UBXN11: variants seen among roughly 807,000 people sequenced by gnomAD.
UBXN11 encodes UBX domain protein 11, also known as UBX domain-containing protein 11.
Under a neutral mutation model 62.8 loss-of-function variants are expected in UBXN11, and 47 were observed. The observed-to-expected ratio is 0.75, with a 90% confidence interval of 0.59 to 0.95. The LOEUF (loss-of-function observed/expected upper bound fraction) is 0.95, where lower values mean the gene tolerates loss of function less well. Ranked by LOEUF, UBXN11 falls within the 40% of genes least tolerant of loss-of-function variation. The pLI is 0.00. For synonymous variants in UBXN11, 294 were observed against 267.0 expected (o/e 1.10, Z -0.99); for missense variants, 638 against 661.7 (o/e 0.96, Z 0.39).
chr1:26,290,319 T>A (rs867461363), intron 8 of UBXN11, among the ~76,000 whole-genome samples: 1 of 152,062 alleles, frequency 6.6e-6, no homozygotes, highest in Non-Finnish European at 1.5e-5. Context: ...GAGGAGGAAA[T>A]GAACTCAGAG....
At chr1:26,282,816 G>T (rs6598952) in intron 13 of UBXN11, 27 bp from the exon 14 acceptor site, 1,441,186 of 1,614,044 alleles carry the variant, frequency 0.89, 654,063 homozygotes, top group Non-Finnish European at 0.94. Flanking sequence ...CCATCAGCAC[G>T]CGGTGACCCA....
chr1:26,290,800 G>A (rs1037691777), intron 8 of UBXN11, among the ~76,000 whole-genome samples: 3 of 151,610 alleles, frequency 2.0e-5, no homozygotes, highest in African/African-American at 7.3e-5. Flanking sequence ...GATTCTCAGG[G>A]GAACAGGGAA....
chr1:26,294,216 A>G lies in UBXN11; in HGVS notation c.548T>C (p.Phe183Ser). ...ACGCCCTGCTCTACCTGGCTTCCAG[A>G]ACTTCTTGGCTGTCATCCAGTCCCT... ...GERDWMTAKK[F>S]WKPGDSLAPP... Residue 183 changes from phenylalanine (F) to serine (S), a missense_variant, in exon 8 of 15, where the codon TTC (phenylalanine) becomes TCC (serine). Coordinates refer to ENST00000374222, the MANE Select transcript of UBXN11 (RefSeq NM_001389556.1). 6.2e-7 allele frequency: 1 copy of G among 1,614,106 alleles called. No individual in the cohort carries two copies. The highest frequency in any genetic ancestry group is 8.5e-7 in the Non-Finnish European group (1 of 1,179,950).
chr1:26,301,629 G>A lies in UBXN11; in HGVS notation c.100+65C>T, dbSNP rs80079275. Reference sequence around the variant, plus strand: ...CTTTCTCGTGTGATTTCTCTCCATCGGTCCAACTGTAGGAGGTGCAAGCAC... The same window carrying A: ...CTTTCTCGTGTGATTTCTCTCCATCAGTCCAACTGTAGGAGGTGCAAGCAC... On this transcript the variant is annotated intron_variant, in intron 3 of 14. Coordinates refer to ENST00000374222, the MANE Select transcript of UBXN11 (RefSeq NM_001389556.1). 2.9e-3 allele frequency: 4,593 copies of A among 1,596,476 alleles called. 122 individuals carry two copies. In the African/African-American group the frequency reaches 0.052, roughly 18 times the overall value.
Position 26,282,685 on chromosome 1 carries a change from G to A in UBXN11, c.1256C>T (p.Thr419Ile), listed in dbSNP as rs2073027696. The A allele has an allele frequency of 6.2e-7, 1 of 1,614,016 alleles. No homozygotes were observed. The highest frequency in any genetic ancestry group is 1.3e-5 in the African/African-American group (1 of 74,942). Residue 419 changes from threonine (T) to isoleucine (I), a missense_variant, in exon 14 of 15, where the codon ACC becomes ATC. Coordinates refer to ENST00000374222, the MANE Select transcript of UBXN11 (RefSeq NM_001389556.1). Reference sequence around the variant, plus strand: ...TAGCAGAGCTCGCACGTCCCCAATGGTGTTGTCAGGCTGCATCATCAGTAG... The same window carrying A: ...TAGCAGAGCTCGCACGTCCCCAATGATGTTGTCAGGCTGCATCATCAGTAG... ...AFLLMMQPDN[T>I]IGDVRALLAQ... is the part of the protein sequence containing the mutation.
At chr1:26,301,806 T>A (rs921006478) in intron 2 of UBXN11, 84 bp from the exon 3 acceptor site, 3 of 1,566,424 alleles carry the variant, frequency 1.9e-6, no homozygotes, top group Admixed American at 1.8e-5. Flanking sequence ...GGCACCGGAC[T>A]TCAGCCAAAG....
At chr1:26,312,328 T>C (rs2073751522) in intron 1 of UBXN11, among the ~76,000 whole-genome samples, 1 of 152,172 alleles carries the variant, frequency 6.6e-6, no homozygotes, top group Non-Finnish European at 1.5e-5. Context: ...CTCAGTTCAC[T>C]GCAATCTCCA....
chr1:26,300,234 G>T (rs1381743333), intron 4 of UBXN11, among the ~76,000 whole-genome samples: 1 of 152,166 alleles, frequency 6.6e-6, no homozygotes, highest in East Asian at 1.9e-4. Context: ...CTGGCCAGGG[G>T]CCCTCCACCG....
At chr1:26,294,439 C>CT in intron 7 of UBXN11, 108 bp from the exon 8 acceptor site, 3 of 1,468,646 alleles carry the variant, frequency 2.0e-6, no homozygotes, top group Non-Finnish European at 2.7e-6. Context: ...ATGGGGCCCC[C>CT]AGAGCTGACC....
At chr1:26,312,050 C>A (rs961804781) in intron 1 of UBXN11, among the ~76,000 whole-genome samples, 2 of 152,090 alleles carry the variant, frequency 1.3e-5, no homozygotes, top group African/African-American at 4.8e-5. Flanking sequence ...TTCCAGAAAC[C>A]GTCATGTTCT....
intron 5 of UBXN11, among the ~76,000 whole-genome samples, 174 bp downstream of exon 5, chr1:26,297,788 G>A (rs973023292): frequency 2.6e-5 from 4 of 152,118 alleles, no homozygotes; most frequent in Middle Eastern, 3.2e-3. Flanking sequence ...CCAGCCTCTC[G>A]GCTCAGGTCA....
rs1485175078 is a variant in UBXN11 at position 26,302,799 on chromosome 1, G to C, written c.71+14C>G. 1.2e-6 allele frequency: 2 copies of C among 1,612,376 alleles called. No homozygotes were observed. The highest frequency in any genetic ancestry group is 3.3e-5 in the Admixed American group (2 of 59,842). On this transcript the variant is annotated intron_variant, in intron 2 of 14. Transcript: ENST00000374222. The stretch of plus-strand genomic sequence containing the variant: ...GAGGCGGGGACAGAAAGACCCCTGA[G>C]GCTGGCTCCTTACCCAGGATTCATA...
At chr1:26,306,842 T>TGGGG (rs1201356841), upstream of UBXN11, 2 of 29,818 alleles carry the variant, frequency 6.7e-5, no homozygotes, top group Non-Finnish European at 1.3e-4. Flanking sequence ...GGGGGGGGGG[T>TGGGG]GGTTCGTTCC....
At chr1:26,302,940 GC>G in intron 1 of UBXN11, 22 bp from the exon 2 acceptor site, 1 of 1,566,194 alleles carries the variant, frequency 6.4e-7, no homozygotes, top group Non-Finnish European at 8.8e-7. Flanking sequence ...CAGGAAGTCA[GC>G]CCCTGGGGAC....
chr1:26,291,423 G>A (rs1191426773), intron 8 of UBXN11, among the ~76,000 whole-genome samples: 3 of 152,228 alleles, frequency 2.0e-5, no homozygotes, highest in Admixed American at 2.0e-4. Flanking sequence ...AACGCACGGA[G>A]GGACCACAGA....
At position 26,300,985 on chromosome 1, in the gene UBXN11, T is replaced by C. The variant is rs1260849517; in HGVS notation, c.140A>G (p.Glu47Gly). The C allele has an allele frequency of 2.5e-6, 4 of 1,614,112 alleles. No homozygotes were observed. The highest frequency in any genetic ancestry group is 3.3e-5 in the Admixed American group (2 of 60,014). The change falls in exon 4 of 15, where the codon GAA (glutamate) becomes GGA (glycine). Residue 47 changes from glutamate (E) to glycine (G), a missense_variant. By Grantham distance (98) the Glu-to-Gly change is moderately conservative (BLOSUM62 -2). Coordinates refer to ENST00000374222, the MANE Select transcript of UBXN11 (RefSeq NM_001389556.1). ...VDMLSDGCGS[E>G]EKISVPSCYG... ...GCAGGAAGGGACTGAGATCTTTTCT[T>C]CTGAGCCACACCCATCACTCAACAT...
intron 4 of UBXN11, among the ~76,000 whole-genome samples, chr1:26,300,201 C>T (rs1472880734): frequency 6.6e-6 from 1 of 152,164 alleles, no homozygotes; most frequent in Non-Finnish European, 1.5e-5. Context: ...AGCCACCACA[C>T]TGAGCACCTC....
upstream of UBXN11, among the ~76,000 whole-genome samples, chr1:26,309,019 A>G (rs1465144021): frequency 2.6e-5 from 3 of 117,572 alleles, no homozygotes; most frequent in African/African-American, 9.8e-5. Flanking sequence ...CACAACCTCC[A>G]CCTCCCAGAT....
chr1:26,298,276 T>C (rs1460074993), intron 4 of UBXN11, among the ~76,000 whole-genome samples: 1 of 152,212 alleles, frequency 6.6e-6, no homozygotes, highest in East Asian at 1.9e-4. Context: ...TTTAGGAAAC[T>C]GAGACACAAA....
Sources: gnomAD v4.1 joint callset for allele counts (sites outside exome capture counted in the v4.1 genomes callset) on GRCh38, gnomAD v4.1.1 for gene constraint, MANE v1.5 for transcripts, NCBI Gene and HGNC (gene_info 2026-07-23, HGNC 2026-07-21) for gene names.